Variants in MPHOSPH9 observed in about 807,000 individuals in gnomAD.
MPHOSPH9 encodes the protein M-phase phosphoprotein 9.
A neutral mutation model predicts 145.5 loss-of-function variants in MPHOSPH9; 88 were observed. That is an observed-to-expected ratio of 0.60 (90% confidence interval 0.51 to 0.72). The LOEUF (loss-of-function observed/expected upper bound fraction) is 0.72, where lower values mean the gene tolerates loss of function less well. MPHOSPH9 is among the 30% of genes least tolerant of loss of function. The pLI, the probability that MPHOSPH9 is intolerant of heterozygous loss-of-function variation, is 0.00. For missense variants in MPHOSPH9, 1,238 were observed against 1,386.6 expected (o/e 0.89, Z 1.70); for synonymous variants, 435 against 486.2 (o/e 0.89, Z 1.39).
At position 123,242,042 on chromosome 12, in the gene MPHOSPH9, C is replaced by T. The variant is rs1325123730; in HGVS notation, c.-159+1811G>A. Among the ~76,000 whole-genome samples the T allele has an allele frequency of 2.0e-5, 3 of 152,212 alleles. No individual in the cohort carries two copies. The East Asian group carries it at 5.8e-4, about 29-fold the overall frequency. ...TTGTCTTCATTTCTCTTTTATGCTA[C>T]AGACTCTTTAGGCTCTCTGAAGCCC... On this transcript the variant is annotated intron_variant, in intron 1 of 2. Transcript: ENST00000545406.
intron 19 of MPHOSPH9, 186 bp downstream of exon 19, chr12:123,163,764 T>C (rs1380098986): frequency 9.6e-6 from 5 of 523,030 alleles, no homozygotes; most frequent in Non-Finnish European, 1.6e-5. Flanking sequence ...TTTACATTTG[T>C]AGTATCTATG....
rs942830401 is a variant in MPHOSPH9, at chr12:123,194,194, G to A, written c.2241+192C>T. ...TGAGGCGAGAAGATCTCTTGAGCCC[G>A]GGAGGTGGAGGCTGCAGTGAGTTGA... On this transcript the variant is annotated intron_variant, in intron 13 of 23. Coordinates refer to ENST00000606320, the MANE Select transcript of MPHOSPH9 (RefSeq NM_022782.4). Among the ~76,000 whole-genome samples, 16 of 152,182 alleles carry A rather than the reference G, an allele frequency of 1.1e-4. No homozygotes were observed. The East Asian group carries it at 1.7e-3, about 17-fold the overall frequency.
rs1364094274 is a variant in MPHOSPH9, at chr12:123,230,011, G to A, written c.104+250C>T. 1.7e-5 allele frequency: 4 copies of A among 242,194 alleles called. No homozygotes were observed. In the Admixed American group the frequency reaches 2.3e-4, roughly 14 times the overall value. 15.0% of individuals were successfully genotyped at this position (242,194 alleles called of 1,614,324 possible). A position where few individuals can be genotyped will look rare whatever the true frequency, so the allele number is the denominator to read the frequency against. On this transcript the variant is annotated intron_variant, in intron 2 of 23. Coordinates refer to ENST00000606320, the MANE Select transcript of MPHOSPH9 (RefSeq NM_022782.4). ...TAATTTTTGTATTTTTAGTAGAGAC[G>A]AGGCTTCACCATGTTAGCCAGGCTG... is the stretch of plus-strand genomic sequence containing the variant.
chr12:123,202,088 T>G, intron 11 of MPHOSPH9, 76 bp downstream of exon 11: 1 of 1,368,364 alleles, frequency 7.3e-7, no homozygotes. Flanking sequence ...TTTCAAAGTG[T>G]TTTCTCACAT....
chr12:123,206,462 AAGAAAGAG>A (rs1323282480), intron 8 of MPHOSPH9, among the ~76,000 whole-genome samples: 1 of 151,136 alleles, frequency 6.6e-6, no homozygotes, highest in Non-Finnish European at 1.5e-5. Flanking sequence ...ACCGTGAAGA[AAGAAAGAG>A]AGAAAGAGAG....
chr12:123,164,833 A>C (rs1227517619), intron 18 of MPHOSPH9, among the ~76,000 whole-genome samples: 1 of 151,922 alleles, frequency 6.6e-6, no homozygotes, highest in Non-Finnish European at 1.5e-5. Context: ...ACATGGTGAA[A>C]CTCCGTCTCT....
chr12:123,161,359 G>C lies in MPHOSPH9; in HGVS notation c.3158C>G (p.Thr1053Ser). 1 of 1,614,026 alleles carries C rather than the reference G, an allele frequency of 6.2e-7. No homozygotes were observed. The highest frequency in any genetic ancestry group is 8.5e-7 in the Non-Finnish European group (1 of 1,179,982). Residue 1053 changes from threonine to serine, a missense_variant, in exon 22 of 24, where the codon ACC becomes AGC. Coordinates refer to ENST00000606320, the MANE Select transcript of MPHOSPH9 (RefSeq NM_022782.4). ...SEEKTYSEKA[T>S]DNHVNHSSCP... ...AGAGCTATGATTAACATGGTTATCG[G>C]TGGCTTTCTCAGAATAAGTTTTTTC...
intron 11 of MPHOSPH9, among the ~76,000 whole-genome samples, chr12:123,198,809 CAAAAAAA>C (rs35259138): frequency 6.2e-5 from 3 of 48,556 alleles, no homozygotes; most frequent in South Asian, 1.1e-3. Context: ...GAACCTGTCT[CAAAAAAA>C]AAAAAAAAAA....
intron 16 of MPHOSPH9, 143 bp from the exon 17 acceptor site, chr12:123,166,932 G>T: frequency 2.3e-6 from 2 of 881,954 alleles, no homozygotes; most frequent in Non-Finnish European, 1.6e-6. Context: ...CTATATTTTG[G>T]ATACAATTTA....
chr12:123,181,561 CA>C lies in MPHOSPH9; in HGVS notation c.2242-352del, dbSNP rs376439664. ...GTCTCTTCAAAAACAAAAACAAAAA[CA>C]AAAAAAAAACAAAAGCTGGGCTCGG... On this transcript the variant is annotated intron_variant, in intron 13 of 23. Coordinates refer to ENST00000606320, the MANE Select transcript of MPHOSPH9 (RefSeq NM_022782.4). Among the ~76,000 whole-genome samples the C allele has an allele frequency of 3.9e-3, 551 of 142,466 alleles. 3 individuals are homozygous for C. The highest frequency in any genetic ancestry group is 0.014 in the African/African-American group (530 of 38,834). The allele number at this position is 142,466 out of a possible 152,430, so 93.5% of individuals were successfully genotyped here.
At chr12:123,179,869 C>A in intron 15 of MPHOSPH9, 57 bp downstream of exon 15, 1 of 937,626 alleles carries the variant, frequency 1.1e-6, no homozygotes, top group South Asian at 1.7e-5. Flanking sequence ...ATGTTCAATA[C>A]AGACACATAA....
Position 123,154,418 on chromosome 12 carries a change from T to C in MPHOSPH9, c.*2389A>G, listed in dbSNP as rs1206584288. The C allele has an allele frequency of 6.6e-6, 1 of 152,132 alleles. No individual in the cohort carries two copies. Among genetic ancestry groups the C allele is most frequent in the Non-Finnish European group, 1.5e-5 (1 of 68,030 alleles). 9.4% of individuals were successfully genotyped at this position (152,132 alleles called of 1,614,324 possible). ...ACAGCAGAAAGAACTTTCCTTGGTA[T>C]CCCTCTTCACAGCTATGAAGAAAAA... is the stretch of plus-strand genomic sequence containing the variant. On this transcript the variant is annotated 3_prime_UTR_variant, in exon 24 of 24. Coordinates refer to ENST00000606320, the MANE Select transcript of MPHOSPH9 (RefSeq NM_022782.4).
At chr12:123,224,131 T>C (rs142023747) in intron 3 of MPHOSPH9, among the ~76,000 whole-genome samples, 17 of 27,572 alleles carry the variant, frequency 6.2e-4, no homozygotes, top group South Asian at 6.2e-3. Context: ...TATATACACA[T>C]TTTTTTTTTT....
At chr12:123,186,897 G>A (rs952865208) in intron 13 of MPHOSPH9, among the ~76,000 whole-genome samples, 7 of 152,140 alleles carry the variant, frequency 4.6e-5, no homozygotes, top group Admixed American at 4.6e-4. Context: ...GGAAGTGGAG[G>A]TTGCAGTGAG....
At chr12:123,186,227 CAAAAAAAAAA>C (rs35294099) in intron 13 of MPHOSPH9, among the ~76,000 whole-genome samples, 2 of 101,332 alleles carry the variant, frequency 2.0e-5, no homozygotes, top group African/African-American at 1.0e-4. Flanking sequence ...AACTCCGTCT[CAAAAAAAAAA>C]AAAAAAAAAA....
At chr12:123,209,947 A>G (rs2046631121) in intron 8 of MPHOSPH9, 109 bp downstream of exon 8, 3 of 603,782 alleles carry the variant, frequency 5.0e-6, no homozygotes, top group Admixed American at 5.9e-5. Context: ...CGTGTTAGCC[A>G]GGATGGTCTT....
intron 23 of MPHOSPH9, among the ~76,000 whole-genome samples, chr12:123,158,663 ACT>A (rs1335898329): frequency 2.0e-5 from 3 of 150,918 alleles, no homozygotes; most frequent in East Asian, 3.9e-4. Context: ...ACACAGTCTC[ACT>A]CTGTTGCCCT....
intron 23 of MPHOSPH9, chr12:123,160,505 T>C (rs944903830): frequency 6.5e-5 from 24 of 370,862 alleles, no homozygotes; most frequent in Non-Finnish European, 1.1e-4. Context: ...TTGAAAAGCA[T>C]ATTGCCATTT....
intron 16 of MPHOSPH9, among the ~76,000 whole-genome samples, chr12:123,170,526 C>T (rs1181886887): frequency 1.3e-5 from 2 of 152,132 alleles, no homozygotes; most frequent in East Asian, 3.9e-4. Context: ...AAGCAATTTC[C>T]CCACCTTGGC....
Sources: allele counts gnomAD v4.1 joint callset (sites outside exome capture counted in the v4.1 genomes callset), GRCh38; gene constraint gnomAD v4.1.1; transcripts MANE v1.5; gene names NCBI Gene and HGNC (gene_info 2026-07-23, HGNC 2026-07-21).